FSCB: variants seen among roughly 807,000 people sequenced by gnomAD.
FSCB encodes the protein fibrous sheath CABYR-binding protein.
For missense variants in FSCB, 975 were observed against 934.8 expected, an observed-to-expected ratio of 1.04 and a Z score of -0.56; for synonymous variants, 331 against 336.6, an observed-to-expected ratio of 0.98 and a Z score of 0.18.
chr14:44,504,853 G>T lies in FSCB; in HGVS notation c.2135C>A (p.Ala712Asp), dbSNP rs774673934. The change falls in exon 1 of 1, where the codon GCC becomes GAC. Residue 712 changes from alanine to aspartate, a missense_variant. Transcript: ENST00000340446. ...TGGTGGGGAATGTTTGTCAACGGAG[G>T]CCTCTTCTGCAGGGACATCATCAGC... ...PPADDVPAEE[A>D]SVDKHSPPAD... The T allele has an allele frequency of 6.2e-7, 1 of 1,614,072 alleles. No homozygotes were observed. Among genetic ancestry groups the T allele is most frequent in the African/African-American group, 1.3e-5 (1 of 74,922 alleles).
chr14:44,505,649 C>T lies in FSCB; in HGVS notation c.1339G>A (p.Glu447Lys), dbSNP rs370240065. ...GTAGGAGCCTCTTCTGCAGGGGTCT[C>T]CATAGCTGTTGAAAGCTGAAGTTCT... ...ARELQLSTAM[E>K]TPAEEAPTEF... The change falls in exon 1 of 1, where the codon GAG becomes AAG. Residue 447 changes from glutamate to lysine, a missense_variant. By Grantham distance (56) the Glu-to-Lys change is moderately conservative. Transcript: ENST00000340446. 1 of 1,613,572 alleles carries T rather than the reference C, an allele frequency of 6.2e-7. No individual in the cohort carries two copies. The highest frequency in any genetic ancestry group is 8.5e-7 in the Non-Finnish European group (1 of 1,180,000).
rs137911374 is a variant in FSCB, at chr14:44,506,653, A to G, written c.335T>C (p.Val112Ala). 5.0e-6 allele frequency: 8 copies of G among 1,614,040 alleles called. No homozygotes were observed. In the African/African-American group the frequency reaches 8.0e-5, roughly 16 times the overall value. ...REAAIELPESVQDVEIPPNIP... is the reference protein window; with the variant it reads ...REAAIELPESAQDVEIPPNIP... The stretch of plus-strand genomic sequence containing the variant: ...GTTTGGTGGAATTTCTACATCCTGA[A>G]CACTCTCTGGCAATTCAATAGCAGC... The change falls in exon 1 of 1, where the codon GTT (valine) becomes GCT (alanine). Residue 112 changes from valine (V) to alanine (A), a missense_variant. Coordinates refer to ENST00000340446, the MANE Select transcript of FSCB (RefSeq NM_032135.4).
chr14:44,505,658 T>C lies in FSCB; in HGVS notation c.1330A>G (p.Thr444Ala). Reference sequence around the variant, plus strand: ...TCTTCTGCAGGGGTCTCCATAGCTGTTGAAAGCTGAAGTTCTCGAGCCTCT... The same window carrying C: ...TCTTCTGCAGGGGTCTCCATAGCTGCTGAAAGCTGAAGTTCTCGAGCCTCT... Reference protein sequence around the residue: ...REEARELQLSTAMETPAEEAP... With the variant: ...REEARELQLSAAMETPAEEAP... Residue 444 changes from threonine (T) to alanine (A), a missense_variant, in exon 1 of 1, where the codon ACA (threonine) becomes GCA (alanine). By Grantham distance (58) the Thr-to-Ala change is moderately conservative. Transcript: ENST00000340446. 1.2e-6 allele frequency: 2 copies of C among 1,613,506 alleles called. No homozygotes were observed. The highest frequency in any genetic ancestry group is 1.7e-6 in the Non-Finnish European group (2 of 1,179,976).
In FSCB at chr14:44,505,111, G is replaced by A. The variant is rs543285492; in HGVS notation, c.1877C>T (p.Pro626Leu). 2.6e-6 allele frequency: 4 copies of A among 1,547,108 alleles called. No individual in the cohort carries two copies. Among genetic ancestry groups the A allele is most frequent in the African/African-American group, 2.8e-5 (2 of 72,482 alleles). The change falls in exon 1 of 1, where the codon CCA becomes CTA. Residue 626 changes from proline (P) to leucine (L), a missense_variant. Transcript: ENST00000340446. ...EEAPAEVQPP[P>L]AEEAPAEVQP... ...AACTTCAGCGGGGGCCTCCTCAGCT[G>A]GTGGAGGCTGAACTTCAGCGGGGGC...
chr14:44,507,049 G>C lies in FSCB; in HGVS notation c.-62C>G. 8.3e-7 allele frequency: 1 copy of C among 1,206,334 alleles called. No individual in the cohort carries two copies. Among genetic ancestry groups the C allele is most frequent in the Non-Finnish European group, 1.2e-6 (1 of 864,604 alleles). The allele number at this position is 1,206,334 out of a possible 1,614,324, so 74.7% of individuals were successfully genotyped here. Reference sequence around the variant, plus strand: ...CCTACACGCTGAGATAGGCTGATTAGAGTCATCACTTTCTTCCATTTCTAA... The same window carrying C: ...CCTACACGCTGAGATAGGCTGATTACAGTCATCACTTTCTTCCATTTCTAA... On this transcript the variant is annotated 5_prime_UTR_variant, in exon 1 of 1. Coordinates refer to ENST00000340446, the MANE Select transcript of FSCB (RefSeq NM_032135.4).
Position 44,504,513 on chromosome 14 carries a change from C to T in FSCB, c.2475G>A (p.Leu825=). The T allele has an allele frequency of 6.3e-7, 1 of 1,595,340 alleles. No homozygotes were observed. Among genetic ancestry groups the T allele is most frequent in the Non-Finnish European group, 8.6e-7 (1 of 1,169,090 alleles). ...HIELKQRPPE[L] ...TGCTAGCTTAGGTACAACCTGACTACAGTTCAGGAGGACGTTGTTTTAATT... is the reference window on the plus strand; with the variant it reads ...TGCTAGCTTAGGTACAACCTGACTATAGTTCAGGAGGACGTTGTTTTAATT... The change falls in exon 1 of 1, where the codon CTG becomes CTA. Residue 825 remains leucine (L), a synonymous_variant. Coordinates refer to ENST00000340446, the MANE Select transcript of FSCB (RefSeq NM_032135.4).
rs753646333 is a variant in FSCB, at chr14:44,506,853, G to A, written c.135C>T (p.Ala45=). ...SGSKGSYSAK[A]YESIRVSSEL... is the part of the protein sequence containing the mutation. ...CAGAAGATACTCTAATAGACTCATA[G>A]GCTTTGGCAGAGTAGCTGCCTTTGC... is the stretch of plus-strand genomic sequence containing the variant. Residue 45 remains alanine, a synonymous_variant, in exon 1 of 1, where the codon GCC becomes GCT. Transcript: ENST00000340446. 2 of 1,613,804 alleles carry A rather than the reference G, an allele frequency of 1.2e-6. No homozygotes were observed. Among genetic ancestry groups the A allele is most frequent in the African/African-American group, 1.3e-5 (1 of 75,040 alleles).
chr14:44,505,588 G>T lies in FSCB; in HGVS notation c.1400C>A (p.Ala467Glu), dbSNP rs961681691. The T allele has an allele frequency of 6.2e-7, 1 of 1,612,982 alleles. No individual in the cohort carries two copies. The highest frequency in any genetic ancestry group is 1.3e-5 in the African/African-American group (1 of 74,890). The change falls in exon 1 of 1, where the codon GCA becomes GAA. Residue 467 changes from alanine to glutamate, a missense_variant. Ala to Glu is a moderately radical substitution (Grantham distance 107). Transcript: ENST00000340446. Reference sequence around the variant, plus strand: ...CTGAATTTCAGCAGAGGCCTCTTCTGCAGTGGTCTCTTTAGGTAATGGAGA... The same window carrying T: ...CTGAATTTCAGCAGAGGCCTCTTCTTCAGTGGTCTCTTTAGGTAATGGAGA... ...FQSPLPKETTAEEASAEIQLL... is the reference protein window; with the variant it reads ...FQSPLPKETTEEEASAEIQLL...
Position 44,505,537 on chromosome 14 carries a change from G to T in FSCB, c.1451C>A (p.Ala484Glu), listed in dbSNP as rs1881051555. 1.9e-6 allele frequency: 3 copies of T among 1,612,304 alleles called. No homozygotes were observed. Residue 484 changes from alanine (A) to glutamate (E), a missense_variant, in exon 1 of 1, where the codon GCA (alanine) becomes GAA (glutamate). Physicochemically the swap from Ala to Glu is moderately radical, Grantham distance 107 (BLOSUM62 -1). Transcript: ENST00000340446. The part of the protein sequence containing the change: ...IQLLAATEPP[A>E]DETPAEARSP... ...CCGAGCTTCGGCAGGAGTTTCATCT[G>T]CAGGAGGCTCCGTAGCTGCTAGAAG...
In FSCB at chr14:44,506,376, G is replaced by A; in HGVS notation, c.612C>T (p.Ser204=). 2.5e-6 allele frequency: 4 copies of A among 1,614,088 alleles called. No homozygotes were observed. Among genetic ancestry groups the A allele is most frequent in the Non-Finnish European group, 3.4e-6 (4 of 1,180,030 alleles). ...TATTTTTCTGCCCAATTTCTTCATTGCTGTTTGTTGCTGGTTGAAATTCAG... is the reference window on the plus strand; with the variant it reads ...TATTTTTCTGCCCAATTTCTTCATTACTGTTTGTTGCTGGTTGAAATTCAG... The part of the protein sequence containing the change: ...EHPEFQPATN[S]NEEIGQKNIS... Residue 204 remains serine (S), a synonymous_variant, in exon 1 of 1, where the codon AGC becomes AGT. Coordinates refer to ENST00000340446, the MANE Select transcript of FSCB (RefSeq NM_032135.4).
In FSCB at chr14:44,505,926, T is replaced by C. The variant is rs776347448; in HGVS notation, c.1062A>G (p.Ser354=). The change falls in exon 1 of 1, where the codon TCA becomes TCG. Residue 354 remains serine (S), a synonymous_variant. Coordinates refer to ENST00000340446, the MANE Select transcript of FSCB (RefSeq NM_032135.4). The part of the protein sequence containing the change: ...VELLAEILPP[S]AEESPSEEPP... ...GCTCTTCTGAAGGGGACTCTTCAGC[T>C]GATGGAGGCAGAATTTCAGCCAGAA... The C allele has an allele frequency of 1.2e-6, 2 of 1,613,028 alleles. No homozygotes were observed.
In FSCB at chr14:44,505,747, G is replaced by A; in HGVS notation, c.1241C>T (p.Pro414Leu). The change falls in exon 1 of 1, where the codon CCT becomes CTT. Residue 414 changes from proline to leucine, a missense_variant. Coordinates refer to ENST00000340446, the MANE Select transcript of FSCB (RefSeq NM_032135.4). Reference sequence around the variant, plus strand: ...AGCAAGGGTCTCTTCAACAGTGGGAGGCTCTACTTTAGCTGGGGCCTCTTC... The same window carrying A: ...AGCAAGGGTCTCTTCAACAGTGGGAAGCTCTACTTTAGCTGGGGCCTCTTC... ...ALEEAPAKVEPPTVEETLADV... is the reference protein window; with the variant it reads ...ALEEAPAKVELPTVEETLADV... 1 of 1,613,652 alleles carries A rather than the reference G, an allele frequency of 6.2e-7. No individual in the cohort carries two copies. The highest frequency in any genetic ancestry group is 8.5e-7 in the Non-Finnish European group (1 of 1,179,910).
chr14:44,505,139 C>G lies in FSCB; in HGVS notation c.1849G>C (p.Glu617Gln), dbSNP rs1352262566. Residue 617 changes from glutamate to glutamine, a missense_variant, in exon 1 of 1, where the codon GAG (glutamate) becomes CAG (glutamine). Physicochemically the swap from Glu to Gln is conservative, Grantham distance 29 (BLOSUM62 2). Coordinates refer to ENST00000340446, the MANE Select transcript of FSCB (RefSeq NM_032135.4). ...PAEVQPPPAE[E>Q]APAEVQPPPA... ...GGAGGCTGAACTTCAGCGGGGGCCT[C>G]CTCAGCTGGTGGAGGCTGAACTTCA... is the stretch of plus-strand genomic sequence containing the variant. The G allele has an allele frequency of 1.0e-5, 16 of 1,607,782 alleles. No individual in the cohort carries two copies. Among genetic ancestry groups the G allele is most frequent in the Non-Finnish European group, 1.3e-5 (15 of 1,179,310 alleles).
chr14:44,505,482 T>C lies in FSCB; in HGVS notation c.1506A>G (p.Glu502=), dbSNP rs1205825009. 1.2e-6 allele frequency: 2 copies of C among 1,612,254 alleles called. No homozygotes were observed. Among genetic ancestry groups the C allele is most frequent in the African/African-American group, 1.3e-5 (1 of 74,862 alleles). ...RSPLSEETSA[E]EAHAEVQSPL... is the part of the protein sequence containing the mutation. ...GAGATTGAACTTCAGCATGAGCCTC[T>C]TCTGCAGAAGTCTCCTCAGATAGTG... is the stretch of plus-strand genomic sequence containing the variant. The change falls in exon 1 of 1, where the codon GAA becomes GAG. Residue 502 remains glutamate (E), a synonymous_variant. Coordinates refer to ENST00000340446, the MANE Select transcript of FSCB (RefSeq NM_032135.4).
chr14:44,505,873 G>C lies in FSCB; in HGVS notation c.1115C>G (p.Ala372Gly). ...EPPAEILPPPAEKSPSVELLG... is the reference protein window; with the variant it reads ...EPPAEILPPPGEKSPSVELLG... ...AAGCTCTACTGAAGGAGACTTTTCA[G>C]CTGGTGGAGGCAGAATTTCAGCAGG... The change falls in exon 1 of 1, where the codon GCT becomes GGT. Residue 372 changes from alanine (A) to glycine (G), a missense_variant. Transcript: ENST00000340446. 1 of 1,614,080 alleles carries C rather than the reference G, an allele frequency of 6.2e-7. No homozygotes were observed. The highest frequency in any genetic ancestry group is 8.5e-7 in the Non-Finnish European group (1 of 1,179,998).
At chr14:44,506,571 G>C in the FSCB span, 1 of 1,614,152 alleles carries the variant, frequency 6.2e-7, no homozygotes, top group Non-Finnish European at 8.5e-7. Flanking sequence ...TCATGGTCCA[G>C]TATCCTGTAC....
chr14:44,505,737 A>C lies in FSCB; in HGVS notation c.1251T>G (p.Val417=). ...GCTGAACATCAGCAAGGGTCTCTTC[A>C]ACAGTGGGAGGCTCTACTTTAGCTG... ...EAPAKVEPPT[V]EETLADVQPL... is the part of the protein sequence containing the mutation. Residue 417 remains valine (V), a synonymous_variant, in exon 1 of 1, where the codon GTT becomes GTG. Transcript: ENST00000340446. The C allele has an allele frequency of 6.2e-7, 1 of 1,613,604 alleles. No individual in the cohort carries two copies. The highest frequency in any genetic ancestry group is 1.3e-5 in the African/African-American group (1 of 74,986).
In FSCB at chr14:44,504,861, T is replaced by C. The variant is rs759930127; in HGVS notation, c.2127A>G (p.Ala709=). The change falls in exon 1 of 1, where the codon GCA becomes GCG. Residue 709 remains alanine, a synonymous_variant. Transcript: ENST00000340446. ...VHSPPADDVP[A]EEASVDKHSP... ...AATGTTTGTCAACGGAGGCCTCTTC[T>C]GCAGGGACATCATCAGCTGGGGGAG... 2 of 1,614,040 alleles carry C rather than the reference T, an allele frequency of 1.2e-6. No homozygotes were observed. The highest frequency in any genetic ancestry group is 1.7e-6 in the Non-Finnish European group (2 of 1,180,032).
In FSCB at chr14:44,505,902, C is replaced by T. The variant is rs1282093920; in HGVS notation, c.1086G>A (p.Glu362=). The change falls in exon 1 of 1, where the codon GAG becomes GAA. Residue 362 remains glutamate (E), a synonymous_variant. Coordinates refer to ENST00000340446, the MANE Select transcript of FSCB (RefSeq NM_032135.4). ...GTGGAGGCAGAATTTCAGCAGGAGG[C>T]TCTTCTGAAGGGGACTCTTCAGCTG... ...PPSAEESPSE[E]PPAEILPPPA... 1.2e-6 allele frequency: 2 copies of T among 1,614,050 alleles called. No homozygotes were observed. The highest frequency in any genetic ancestry group is 8.5e-7 in the Non-Finnish European group (1 of 1,179,990).
Sources: allele counts gnomAD v4.1 joint callset, GRCh38; gene constraint gnomAD v4.1.1; transcripts MANE v1.5; gene names NCBI Gene and HGNC (gene_info 2026-07-23, HGNC 2026-07-21).